ROBO1: variants seen among roughly 807,000 people sequenced by gnomAD.
The protein encoded by ROBO1 is roundabout homolog 1.
ROBO1 carries 149 observed loss-of-function variants against 195.9 expected under a neutral mutation model. The ratio of observed to expected loss-of-function variants is 0.76; its 90% CI spans 0.67 to 0.87. The LOEUF is 0.87. Among genes scored for constraint, ROBO1 ranks in the 40% least tolerant of loss-of-function variants. The pLI is 0.00. For synonymous variants in ROBO1, 816 were observed against 733.2 expected, an observed-to-expected ratio of 1.11 and a Z score of -1.82; for missense variants, 1,933 against 2,068.3, an observed-to-expected ratio of 0.93 and a Z score of 1.27.
intron 3 of ROBO1, among the ~76,000 whole-genome samples, chr3:78,980,764 C>A (rs1159860629): frequency 6.6e-6 from 1 of 152,094 alleles, no homozygotes; most frequent in Non-Finnish European, 1.5e-5. Context: ...ATTCTATAAA[C>A]CTCCTCAAAA....
intron 2 of ROBO1, among the ~76,000 whole-genome samples, chr3:79,378,708 T>C (rs573747927): frequency 6.6e-5 from 10 of 152,368 alleles, no homozygotes; most frequent in Admixed American, 3.9e-4. Context: ...AAGCTTTATA[T>C]TTTCACGCCT....
chr3:79,492,425 CAGAAAAA>C (rs1296830090), intron 2 of ROBO1, among the ~76,000 whole-genome samples: 1 of 85,672 alleles, frequency 1.2e-5, no homozygotes, highest in African/African-American at 5.9e-5. Context: ...GACTCTGTTT[CAGAAAAA>C]AAAAAAAAAA....
intron 4 of ROBO1, among the ~76,000 whole-genome samples, chr3:78,751,966 C>T (rs964406456): frequency 1.3e-5 from 2 of 151,762 alleles, no homozygotes; most frequent in Non-Finnish European, 2.9e-5. Context: ...ATAAAGACTA[C>T]TTTATCAATG....
intron 1 of ROBO1, among the ~76,000 whole-genome samples, chr3:79,610,864 T>G (rs1053562512): frequency 5.3e-5 from 8 of 152,042 alleles, no homozygotes; most frequent in African/African-American, 1.9e-4. Flanking sequence ...TCATGGAAAA[T>G]AAGAACTCAA....
chr3:79,349,235 A>C (rs557552668), intron 2 of ROBO1, among the ~76,000 whole-genome samples: 12 of 152,304 alleles, frequency 7.9e-5, no homozygotes, highest in Non-Finnish European at 1.8e-4. Context: ...CTTGAAGTAA[A>C]TGCTTCCTTA....
At chr3:79,610,898 C>T (rs999815142) in intron 1 of ROBO1, among the ~76,000 whole-genome samples, 10 of 152,116 alleles carry the variant, frequency 6.6e-5, no homozygotes, top group African/African-American at 2.2e-4. Context: ...TCTATCAACA[C>T]TTCTCTGAGT....
At chr3:79,517,949 T>G (rs1941023262) in intron 2 of ROBO1, among the ~76,000 whole-genome samples, 1 of 152,190 alleles carries the variant, frequency 6.6e-6, no homozygotes, top group Non-Finnish European at 1.5e-5. Context: ...GGTATTATAC[T>G]GACATTTTCC....
chr3:79,184,988 T>A (rs1449127260), intron 2 of ROBO1, among the ~76,000 whole-genome samples: 1 of 152,144 alleles, frequency 6.6e-6, no homozygotes, highest in Non-Finnish European at 1.5e-5. Flanking sequence ...ATGTCCACAT[T>A]CTAGCTGTGG....
At chr3:79,253,248 T>C (rs986423376) in intron 2 of ROBO1, among the ~76,000 whole-genome samples, 4 of 152,162 alleles carry the variant, frequency 2.6e-5, no homozygotes, top group Non-Finnish European at 5.9e-5. Flanking sequence ...AAGATGTTTG[T>C]ATGGTAGCAC....
intron 3 of ROBO1, among the ~76,000 whole-genome samples, chr3:79,106,787 C>G (rs1009540783): frequency 2.0e-5 from 3 of 151,548 alleles, no homozygotes; most frequent in African/African-American, 7.3e-5. Context: ...TAATTATTGT[C>G]CTCATATTCA....
At chr3:79,145,621 G>GA (rs1173501503) in intron 2 of ROBO1, among the ~76,000 whole-genome samples, 7 of 151,504 alleles carry the variant, frequency 4.6e-5, no homozygotes, top group Admixed American at 6.6e-5. Flanking sequence ...ATGACATAAG[G>GA]AAAAAAAATG....
chr3:79,702,524 G>A (rs187590694), intron 1 of ROBO1, among the ~76,000 whole-genome samples: 1 of 151,894 alleles, frequency 6.6e-6, no homozygotes, highest in East Asian at 1.9e-4. Flanking sequence ...TACTTTTCCT[G>A]GGATCCAATA....
chr3:78,910,774 A>G (rs1003757238), intron 4 of ROBO1, among the ~76,000 whole-genome samples: 28 of 131,444 alleles, frequency 2.1e-4, no homozygotes, highest in African/African-American at 8.5e-4. Context: ...TGCATTAAAG[A>G]TCACAGTTTT....
intron 10 of ROBO1, among the ~76,000 whole-genome samples, chr3:78,677,409 G>A (rs1197400393): frequency 1.3e-5 from 2 of 152,086 alleles, no homozygotes; most frequent in Admixed American, 6.6e-5. Context: ...ACCCATCAGT[G>A]TGCTGTATTC....
intron 4 of ROBO1, among the ~76,000 whole-genome samples, chr3:78,763,270 GT>G (rs1157784668): frequency 2.0e-5 from 3 of 152,102 alleles, no homozygotes; most frequent in East Asian, 1.9e-4. Context: ...TTTCTAGTAG[GT>G]TTTTTTCTTT....
chr3:78,640,480 A>G (rs1705873719), intron 21 of ROBO1, among the ~76,000 whole-genome samples: 1 of 152,184 alleles, frequency 6.6e-6, no homozygotes, highest in South Asian at 2.1e-4. Flanking sequence ...GCTTGTCAAC[A>G]TTTTCTGATG....
intron 3 of ROBO1, among the ~76,000 whole-genome samples, chr3:79,005,846 T>G (rs1477592058): frequency 6.6e-6 from 1 of 152,178 alleles, no homozygotes; most frequent in Non-Finnish European, 1.5e-5. Context: ...TGAAAATATT[T>G]CTGTCAAACA....
At chr3:78,938,490 T>G (rs930543646) in intron 4 of ROBO1, 111 bp downstream of exon 4, 4 of 833,908 alleles carry the variant, frequency 4.8e-6, no homozygotes, top group South Asian at 1.8e-5. Flanking sequence ...AGCTAGAGTT[T>G]ATCCTCAGGT....
intron 2 of ROBO1, among the ~76,000 whole-genome samples, chr3:79,178,923 T>C (rs1316304633): frequency 6.6e-6 from 1 of 152,206 alleles, no homozygotes; most frequent in Non-Finnish European, 1.5e-5. Flanking sequence ...TAAAACCTAC[T>C]CAGTTTGTAA....
Sources: allele counts gnomAD v4.1 joint callset (sites outside exome capture counted in the v4.1 genomes callset), GRCh38; gene constraint gnomAD v4.1.1; transcripts MANE v1.5; gene names NCBI Gene and HGNC (gene_info 2026-07-23, HGNC 2026-07-21).